The following PDE12 variants were observed in gnomAD, a reference collection of about 807,000 sequenced individuals.
PDE12 encodes the protein phosphodiesterase 12, also known as 2',5'-phosphodiesterase 12.
In PDE12, 26 loss-of-function variants were observed where a neutral mutation model predicts 45.4. The ratio of observed to expected loss-of-function variants is 0.57; its 90% CI spans 0.42 to 0.79. The LOEUF is 0.79. PDE12 is among the 30% of genes least tolerant of loss of function. The pLI is 0.00. For synonymous variants in PDE12, 283 were observed against 323.9 expected (o/e 0.87, Z 1.36); for missense variants, 668 against 790.0 (o/e 0.85, Z 1.85).
downstream of PDE12, chr3:57,571,448 ACT>A (rs1198520780): frequency 6.6e-6 from 1 of 152,406 alleles, no homozygotes; most frequent in East Asian, 1.9e-4. Flanking sequence ...TTTTCCAAAA[ACT>A]CTTAATGAAG....
the PDE12 span, among the ~76,000 whole-genome samples, chr3:57,578,742 G>A: frequency 6.6e-6 from 1 of 152,108 alleles, no homozygotes; most frequent in Middle Eastern, 3.2e-3. Flanking sequence ...GCCTCCCAAA[G>A]TGTTGGGATT....
rs1054971248 is a variant in PDE12 at position 57,566,827 on chromosome 3, T to C, written c.*6823T>C. 2 of 152,076 alleles carry C rather than the reference T, an allele frequency of 1.3e-5. No individual in the cohort carries two copies. Among genetic ancestry groups the C allele is most frequent in the East Asian group, 3.9e-4 (2 of 5,188 alleles). The allele number at this position is 152,076 out of a possible 1,614,324, so 9.4% of individuals were successfully genotyped here. On this transcript the variant is annotated 3_prime_UTR_variant, in exon 3 of 3. Coordinates refer to ENST00000311180, the MANE Select transcript of PDE12 (RefSeq NM_177966.7). The stretch of plus-strand genomic sequence containing the variant: ...TGTTTAGCCACCCCTCCTTAAAAAA[T>C]AAATAATATAATAATCCATCATCCC...
rs1447974574 is a variant in PDE12, at chr3:57,556,418, G to A, written c.39G>A (p.Val13=). The part of the protein sequence containing the change: ...RLPGARAALR[V]IRTAVEKLSR... Reference sequence around the variant, plus strand: ...CAGGCGCCCGCGCCGCGCTTCGGGTGATCCGGACGGCGGTGGAGAAGCTGA... The same window carrying A: ...CAGGCGCCCGCGCCGCGCTTCGGGTAATCCGGACGGCGGTGGAGAAGCTGA... The change falls in exon 1 of 3, where the codon GTG becomes GTA. Residue 13 remains valine (V), a synonymous_variant. Transcript: ENST00000311180. This position sits in a 1 kb window ranked among gnomAD's most constrained non-coding sequence, Gnocchi z 5.0. The A allele has an allele frequency of 1.9e-6, 3 of 1,608,788 alleles. No homozygotes were observed. Among genetic ancestry groups the A allele is most frequent in the Non-Finnish European group, 2.5e-6 (3 of 1,177,958 alleles).
chr3:57,648,866 T>G, the PDE12 span, among the ~76,000 whole-genome samples: 2 of 152,124 alleles, frequency 1.3e-5, no homozygotes, highest in African/African-American at 2.4e-5. Context: ...AAAAACAAAC[T>G]CAAGATTAAT....
the PDE12 span, chr3:57,626,302 G>A: frequency 1.3e-5 from 2 of 152,504 alleles, no homozygotes; most frequent in African/African-American, 4.8e-5. Context: ...GAGAACAAAA[G>A]ATAGCTTCTG....
At chr3:57,610,228 C>T in the PDE12 span, among the ~76,000 whole-genome samples, 15 of 152,218 alleles carry the variant, frequency 9.9e-5, no homozygotes, top group Non-Finnish European at 1.6e-4. Context: ...ATTGATGGGA[C>T]GTATCTCAAA....
chr3:57,562,553 C>T lies in PDE12; in HGVS notation c.*2549C>T, dbSNP rs946896650. The T allele has an allele frequency of 6.6e-6, 1 of 152,158 alleles. No homozygotes were observed. The highest frequency in any genetic ancestry group is 2.4e-5 in the African/African-American group (1 of 41,438). 9.4% of individuals were successfully genotyped at this position (152,158 alleles called of 1,614,324 possible). A position where few individuals can be genotyped will look rare whatever the true frequency, so the allele number is the denominator to read the frequency against. On this transcript the variant is annotated 3_prime_UTR_variant, in exon 3 of 3. Transcript: ENST00000311180. ...AAAGCACCTATGTGATTGCATTTTTCTATTACATTTGGATTTTTTAGTACA... is the reference window on the plus strand; with the variant it reads ...AAAGCACCTATGTGATTGCATTTTTTTATTACATTTGGATTTTTTAGTACA...
Position 57,556,820 on chromosome 3 carries a change from G to A in PDE12, c.441G>A (p.Val147=). ...TGGATGCCTGGCAAGACGGCGCGGT[G>A]CTGCAGATCGGCGATGTTAAGTACA... ...LNVDAWQDGA[V]LQIGDVKYKV... Residue 147 remains valine (V), a synonymous_variant, in exon 1 of 3, where the codon GTG becomes GTA. Coordinates refer to ENST00000311180, the MANE Select transcript of PDE12 (RefSeq NM_177966.7). The surrounding 1 kb of genome is among the most constrained non-coding windows in gnomAD (Gnocchi z 5.0). 3 of 1,613,716 alleles carry A rather than the reference G, an allele frequency of 1.9e-6. No homozygotes were observed. Among genetic ancestry groups the A allele is most frequent in the Non-Finnish European group, 2.5e-6 (3 of 1,179,864 alleles).
the PDE12 span, among the ~76,000 whole-genome samples, chr3:57,614,512 G>A: frequency 6.7e-6 from 1 of 148,372 alleles, no homozygotes; most frequent in African/African-American, 2.5e-5. Context: ...GGTGGCTCAC[G>A]CCTGTAATCC....
chr3:57,570,297 T>TC (rs2069827045), downstream of PDE12, among the ~76,000 whole-genome samples: 1 of 136,074 alleles, frequency 7.3e-6, no homozygotes, highest in Non-Finnish European at 1.5e-5. Flanking sequence ...CTGCAACCTC[T>TC]GCCTCCCAGG....
chr3:57,597,113 A>G, the PDE12 span: 1 of 1,614,056 alleles, frequency 6.2e-7, no homozygotes, highest in Non-Finnish European at 8.5e-7. Flanking sequence ...AATAGTCGGG[A>G]GAAGAGGGAG....
chr3:57,646,216 G>A, the PDE12 span: 1 of 1,477,256 alleles, frequency 6.8e-7, no homozygotes. Flanking sequence ...AATGGGTGGG[G>A]AAAAATACGA....
chr3:57,572,819 T>G, the PDE12 span, among the ~76,000 whole-genome samples: 1 of 152,170 alleles, frequency 6.6e-6, no homozygotes, highest in African/African-American at 2.4e-5. Flanking sequence ...ATGGGGAAAT[T>G]AGTAACTAAT....
At chr3:57,640,352 G>A in the PDE12 span, among the ~76,000 whole-genome samples, 1 of 151,972 alleles carries the variant, frequency 6.6e-6, no homozygotes. Flanking sequence ...CAGCACTTTG[G>A]GAGGCCAAGG....
chr3:57,584,845 C>T, the PDE12 span, among the ~76,000 whole-genome samples: 2 of 151,554 alleles, frequency 1.3e-5, no homozygotes, highest in Admixed American at 6.6e-5. Context: ...TATGAACTAC[C>T]AGCATTTTTT....
the PDE12 span, chr3:57,634,866 TA>T: frequency 1.0e-6 from 1 of 985,384 alleles, no homozygotes; most frequent in African/African-American, 1.6e-5. Flanking sequence ...ATTACTTAAG[TA>T]TGTTATAATG....
the PDE12 span, among the ~76,000 whole-genome samples, chr3:57,613,627 C>T: frequency 6.6e-6 from 1 of 151,646 alleles, no homozygotes; most frequent in Non-Finnish European, 1.5e-5. Flanking sequence ...AGGCTGGGCA[C>T]CTGTGGCTCA....
chr3:57,599,032 G>C, the PDE12 span, among the ~76,000 whole-genome samples: 1 of 152,136 alleles, frequency 6.6e-6, no homozygotes, highest in South Asian at 2.1e-4. Context: ...AGCCTCAGGA[G>C]GTCTTGTAGA....
In PDE12 at chr3:57,557,598, T is replaced by G. The variant is rs1190357964; in HGVS notation, c.1219T>G (p.Ser407Ala). The G allele has an allele frequency of 6.2e-7, 1 of 1,614,082 alleles. No homozygotes were observed. Among genetic ancestry groups the G allele is most frequent in the Non-Finnish European group, 8.5e-7 (1 of 1,180,040 alleles). Residue 407 changes from serine (S) to alanine (A), a missense_variant, in exon 1 of 3, where the codon TCC becomes GCC. This residue lies in a region of PDE12 where 580 missense variants were observed against 662.9 expected (regional missense o/e 0.87). Transcript: ENST00000311180. ...HDISFYEALE[S>A]DPLHKELLEK... ...CATTTCATTCTACGAAGCCCTCGAGTCCGACCCACTTCACAAAGAACTGCT... is the reference window on the plus strand; with the variant it reads ...CATTTCATTCTACGAAGCCCTCGAGGCCGACCCACTTCACAAAGAACTGCT...
Sources: gnomAD v4.1 joint callset for allele counts (sites outside exome capture counted in the v4.1 genomes callset) on GRCh38, gnomAD v4.1.1 for gene constraint, gnomAD v4.1.1 regional missense constraint, Gnocchi (gnomAD v3.1) non-coding constraint, MANE v1.5 for transcripts, NCBI Gene and HGNC (gene_info 2026-07-23, HGNC 2026-07-21) for gene names.